The following SCFD2 variants were observed in gnomAD, a reference collection of about 807,000 sequenced individuals.
The protein encoded by SCFD2 is sec1 family domain-containing protein 2.
Under a neutral mutation model 58.9 loss-of-function variants are expected in SCFD2, and 54 were observed. The observed-to-expected ratio is 0.92, with a 90% CI of 0.74 to 1.15. The LOEUF (loss-of-function observed/expected upper bound fraction) is 1.15. Among genes scored for constraint, SCFD2 ranks in the 50% most tolerant of loss-of-function variants. SCFD2 has a pLI of 0.00. For synonymous variants in SCFD2, 321 were observed against 335.9 expected (o/e 0.96, Z 0.49); for missense variants, 805 against 836.6 (o/e 0.96, Z 0.47).
intron 5 of SCFD2, among the ~76,000 whole-genome samples, chr4:53,087,758 T>C (rs1376250941): frequency 4.0e-5 from 6 of 151,376 alleles, no homozygotes; most frequent in African/African-American, 1.5e-4. Context: ...CTCCCAGGTT[T>C]CAAGCGATTT....
intron 5 of SCFD2, among the ~76,000 whole-genome samples, chr4:53,010,787 C>A (rs562068533): frequency 6.6e-6 from 1 of 152,094 alleles, no homozygotes; most frequent in Non-Finnish European, 1.5e-5. Context: ...GGCTGGGGGG[C>A]GCGGTCCAGC....
chr4:53,302,188 T>A (rs1205248456), intron 3 of SCFD2, among the ~76,000 whole-genome samples: 6 of 152,210 alleles, frequency 3.9e-5, no homozygotes, highest in African/African-American at 9.7e-5. Flanking sequence ...GACATGATTG[T>A]ATATCTAGAA....
intron 5 of SCFD2, among the ~76,000 whole-genome samples, chr4:53,059,998 A>G (rs1464638060): frequency 6.6e-6 from 1 of 152,100 alleles, no homozygotes; most frequent in Non-Finnish European, 1.5e-5. Context: ...AGAATCTCAC[A>G]TTGAAAAGAT....
chr4:53,163,383 A>T (rs1003421511), intron 4 of SCFD2, among the ~76,000 whole-genome samples: 6 of 152,062 alleles, frequency 3.9e-5, no homozygotes, highest in African/African-American at 1.4e-4. Context: ...TCAGCAAATG[A>T]ACCACCGCTC....
At chr4:53,359,413 T>G (rs913247867) in intron 1 of SCFD2, among the ~76,000 whole-genome samples, 2 of 152,208 alleles carry the variant, frequency 1.3e-5, no homozygotes, top group African/African-American at 2.4e-5. Context: ...TCTCTTAAAT[T>G]GAAATTCAAA....
intron 3 of SCFD2, among the ~76,000 whole-genome samples, chr4:53,298,520 C>T (rs1476096494): frequency 2.0e-5 from 3 of 152,198 alleles, no homozygotes; most frequent in Non-Finnish European, 4.4e-5. Context: ...CCTCTGGGGG[C>T]AGGGCTCAGA....
At chr4:53,177,096 C>A (rs942924528) in intron 4 of SCFD2, among the ~76,000 whole-genome samples, 1 of 152,200 alleles carries the variant, frequency 6.6e-6, no homozygotes, top group Non-Finnish European at 1.5e-5. Flanking sequence ...CTTTTCTTCA[C>A]CCATTCATTT....
intron 5 of SCFD2, among the ~76,000 whole-genome samples, chr4:53,007,543 T>C (rs1457998682): frequency 1.3e-5 from 2 of 152,124 alleles, no homozygotes; most frequent in Non-Finnish European, 2.9e-5. Flanking sequence ...CTAGACTGTC[T>C]AGGTTCAAAT....
At chr4:53,314,265 A>G (rs1164995397) in intron 2 of SCFD2, among the ~76,000 whole-genome samples, 3 of 152,354 alleles carry the variant, frequency 2.0e-5, no homozygotes, top group African/African-American at 7.2e-5. Context: ...GCTTCCTACT[A>G]AATGAAAATC....
chr4:53,228,104 C>T (rs1423402895), intron 4 of SCFD2, among the ~76,000 whole-genome samples: 6 of 152,114 alleles, frequency 3.9e-5, no homozygotes, highest in Non-Finnish European at 8.8e-5. Flanking sequence ...AGGATAGTTC[C>T]TAGAACTGTA....
intron 5 of SCFD2, among the ~76,000 whole-genome samples, chr4:53,008,415 A>G (rs1404616800): frequency 2.6e-5 from 4 of 152,214 alleles, no homozygotes; most frequent in Non-Finnish European, 5.9e-5. Flanking sequence ...ACAATGGGAA[A>G]GATGAAGCAA....
In SCFD2 at chr4:52,890,462, G is replaced by A. The variant is rs1718855976; in HGVS notation, c.1843-4596C>T. Among the ~76,000 whole-genome samples the A allele has an allele frequency of 2.0e-5, 3 of 152,320 alleles. No homozygotes were observed. The South Asian group carries it at 6.2e-4, about 32-fold the overall frequency. Reference sequence around the variant, plus strand: ...AGACTTTTCTTGTGGAGCCGTTCAAGTCAACAGACTGTTGGGAAGTGGAGT... The same window carrying A: ...AGACTTTTCTTGTGGAGCCGTTCAAATCAACAGACTGTTGGGAAGTGGAGT... On this transcript the variant is annotated intron_variant, in intron 7 of 8. Transcript: ENST00000401642.
chr4:53,022,419 T>G (rs1722371867), intron 5 of SCFD2, among the ~76,000 whole-genome samples: 1 of 152,198 alleles, frequency 6.6e-6, no homozygotes, highest in Non-Finnish European at 1.5e-5. Flanking sequence ...TAACGTGTGT[T>G]CCAATTATTC....
chr4:52,884,751 T>A (rs1051272990), intron 8 of SCFD2, among the ~76,000 whole-genome samples: 4 of 152,018 alleles, frequency 2.6e-5, no homozygotes, highest in Non-Finnish European at 5.9e-5. Flanking sequence ...GAAGCAGGGG[T>A]TCTCCTCTTC....
intron 5 of SCFD2, among the ~76,000 whole-genome samples, chr4:53,126,141 C>T (rs1725620906): frequency 6.6e-6 from 1 of 152,174 alleles, no homozygotes; most frequent in African/African-American, 2.4e-5. Flanking sequence ...ACACTTTCCC[C>T]TTAAAAGTAA....
intron 4 of SCFD2, among the ~76,000 whole-genome samples, chr4:53,248,833 G>A (rs1730227362): frequency 6.6e-6 from 1 of 152,182 alleles, no homozygotes; most frequent in South Asian, 2.1e-4. Context: ...ACCAAAAGTA[G>A]ATAAAACCAC....
At chr4:53,232,759 T>G (rs1395197816) in intron 4 of SCFD2, among the ~76,000 whole-genome samples, 1 of 152,166 alleles carries the variant, frequency 6.6e-6, no homozygotes, top group Non-Finnish European at 1.5e-5. Context: ...TCGACATTCA[T>G]CACTTCAAGC....
At chr4:53,250,769 C>T (rs1369394094) in intron 4 of SCFD2, among the ~76,000 whole-genome samples, 7 of 152,196 alleles carry the variant, frequency 4.6e-5, no homozygotes, top group African/African-American at 1.7e-4. Context: ...ATATATAGCA[C>T]TAAATGCCCA....
chr4:53,131,128 C>T (rs1363930132), intron 5 of SCFD2, among the ~76,000 whole-genome samples: 3 of 152,012 alleles, frequency 2.0e-5, no homozygotes, highest in Admixed American at 6.6e-5. Context: ...AAAGGCAGTA[C>T]CAACAAAATG....
Sources: allele counts gnomAD v4.1 joint callset (sites outside exome capture counted in the v4.1 genomes callset), GRCh38; gene constraint gnomAD v4.1.1; transcripts MANE v1.5; gene names NCBI Gene and HGNC (gene_info 2026-07-23, HGNC 2026-07-21).